Variants in ASNS observed in about 807,000 individuals in gnomAD.
The protein encoded by ASNS is asparagine synthetase (glutamine-hydrolyzing), also known as asparagine synthetase [glutamine-hydrolyzing].
In ASNS, 37 loss-of-function variants were observed where a neutral mutation model predicts 62.6. That is an observed-to-expected ratio of 0.59 (90% CI 0.45 to 0.78). The LOEUF is 0.78. Among genes scored for constraint, ASNS ranks in the 30% least tolerant of loss-of-function variants. The pLI, the probability that ASNS is intolerant of heterozygous loss-of-function variation, is 0.00. For synonymous variants in ASNS, 207 were observed against 237.9 expected (o/e 0.87, Z 1.19); for missense variants, 520 against 682.4 (o/e 0.76, Z 2.65).
chr7:97,924,630 T>G, the ASNS span, among the ~76,000 whole-genome samples: 2 of 152,140 alleles, frequency 1.3e-5, no homozygotes, highest in Non-Finnish European at 2.9e-5. Flanking sequence ...CCCTGCTTCC[T>G]GGAATCCTGG....
chr7:97,910,060 A>G, the ASNS span, among the ~76,000 whole-genome samples: 1 of 152,176 alleles, frequency 6.6e-6, no homozygotes, highest in African/African-American at 2.4e-5. Context: ...ATGACAATAC[A>G]AGACGGAGTC....
the ASNS span, chr7:97,906,544 C>T: frequency 6.0e-6 from 1 of 166,952 alleles, no homozygotes; most frequent in African/African-American, 2.4e-5. Context: ...ATTCTCCATG[C>T]TACACACAGT....
chr7:97,892,474 T>A, the ASNS span, among the ~76,000 whole-genome samples: 2 of 152,156 alleles, frequency 1.3e-5, no homozygotes, highest in East Asian at 3.8e-4. Flanking sequence ...TTCTTTTCTA[T>A]TGCATTGTCA....
chr7:97,858,364 G>T lies in ASNS; in HGVS notation c.817C>A (p.Gln273Lys). 2.5e-6 allele frequency: 4 copies of T among 1,614,144 alleles called. No individual in the cohort carries two copies. Among genetic ancestry groups the T allele is most frequent in the South Asian group, 1.1e-5 (1 of 91,078 alleles). The change falls in exon 7 of 13, where the codon CAG (glutamine) becomes AAG (lysine). Residue 273 changes from glutamine (Q) to lysine (K), a missense_variant. Physicochemically the swap from Gln to Lys is moderately conservative, Grantham distance 53. Transcript: ENST00000394308. ...TACTGTACTTGGGCTTCTTTCAGCT[G>T]CTTCAACAGAGTGGCAGCAACCAAG... ...SSLVAATLLK[Q>K]LKEAQVQYPL...
At chr7:97,866,081 TTAAGA>T (rs1375741163) in intron 3 of ASNS, among the ~76,000 whole-genome samples, 1 of 152,232 alleles carries the variant, frequency 6.6e-6, no homozygotes, top group Non-Finnish European at 1.5e-5. Flanking sequence ...TAAATTTAAG[TTAAGA>T]TAATAGGTTG....
the ASNS span, among the ~76,000 whole-genome samples, chr7:97,884,227 G>A: frequency 3.9e-5 from 6 of 151,990 alleles, no homozygotes; most frequent in African/African-American, 1.4e-4. Flanking sequence ...TTGCCCTGAA[G>A]CCTTCAGCCA....
chr7:97,926,993 G>A, the ASNS span, among the ~76,000 whole-genome samples: 32 of 145,428 alleles, frequency 2.2e-4, no homozygotes, highest in Admixed American at 1.1e-3. Context: ...ACTGCAGCCC[G>A]ACCTTCCAGG....
chr7:97,870,370 G>A, intron 1 of ASNS: 1 of 323,834 alleles, frequency 3.1e-6, no homozygotes. Flanking sequence ...ACTGCGAATT[G>A]CAGCAAATGC....
At chr7:97,906,018 T>A in the ASNS span, among the ~76,000 whole-genome samples, 1 of 152,244 alleles carries the variant, frequency 6.6e-6, no homozygotes. Context: ...CAAAAGTAAC[T>A]GCCGATTTTG....
chr7:97,861,114 C>T (rs1448862039), intron 4 of ASNS, among the ~76,000 whole-genome samples: 2 of 150,160 alleles, frequency 1.3e-5, no homozygotes, highest in Non-Finnish European at 2.9e-5. Flanking sequence ...CTCCGTCTCC[C>T]GGGTTCACGC....
In ASNS at chr7:97,858,326, T is replaced by C. The variant is rs745461318; in HGVS notation, c.855A>G (p.Thr285=). Residue 285 remains threonine (T), a synonymous_variant, in exon 7 of 13, where the codon ACA becomes ACG. Transcript: ENST00000394308. ...GGCTGTCTTCCATGCCAATTGCAAATGTCTGGAGAGGATACTGTACTTGGG... is the reference window on the plus strand; with the variant it reads ...GGCTGTCTTCCATGCCAATTGCAAACGTCTGGAGAGGATACTGTACTTGGG... ...KEAQVQYPLQ[T]FAIGMEDSPD... The C allele has an allele frequency of 6.2e-6, 10 of 1,613,968 alleles. No individual in the cohort carries two copies. Among genetic ancestry groups the C allele is most frequent in the Non-Finnish European group, 8.5e-6 (10 of 1,180,004 alleles).
the ASNS span, among the ~76,000 whole-genome samples, chr7:97,904,021 T>C: frequency 1.2e-3 from 176 of 152,268 alleles, 2 homozygotes; most frequent in Admixed American, 0.011. Flanking sequence ...GTTTAATCAA[T>C]GTCTCTTCAA....
chr7:97,873,497 G>C (rs1209013183), upstream of ASNS, among the ~76,000 whole-genome samples: 2 of 152,206 alleles, frequency 1.3e-5, no homozygotes, highest in African/African-American at 2.4e-5. Flanking sequence ...GCAAAGATGA[G>C]AGATGACTTG....
chr7:97,911,828 T>C, the ASNS span, among the ~76,000 whole-genome samples: 2 of 151,948 alleles, frequency 1.3e-5, no homozygotes, highest in African/African-American at 2.4e-5. Context: ...AGTCGACCCA[T>C]GCGCCTTGCT....
chr7:97,908,196 T>G, the ASNS span: 4 of 152,158 alleles, frequency 2.6e-5, no homozygotes, highest in African/African-American at 9.7e-5. Context: ...GAAACGTGAT[T>G]TTAAATATAT....
chr7:97,878,356 G>C, the ASNS span, among the ~76,000 whole-genome samples: 1 of 152,212 alleles, frequency 6.6e-6, no homozygotes, highest in Non-Finnish European at 1.5e-5. Context: ...GTGATCATGA[G>C]AGAGTCGTGA....
the ASNS span, among the ~76,000 whole-genome samples, chr7:97,880,238 C>A: frequency 1.3e-5 from 2 of 151,990 alleles, no homozygotes; most frequent in African/African-American, 4.8e-5. Flanking sequence ...GATTCTCCAG[C>A]CTCAGCCTCC....
the ASNS span, among the ~76,000 whole-genome samples, chr7:97,889,934 A>AAAAAAAAAAAAAAAAAAC: frequency 6.8e-6 from 1 of 147,490 alleles, no homozygotes. Context: ...ATACAAAAAA[A>AAAAAAAAAAAAAAAAAAC]AAAAAAAAAA....
At chr7:97,876,492 A>G (rs1792441308), upstream of ASNS, among the ~76,000 whole-genome samples, 1 of 150,034 alleles carries the variant, frequency 6.7e-6, no homozygotes, top group African/African-American at 2.5e-5. Flanking sequence ...CAGTGGTGCA[A>G]TCTCGGCTCA....
Sources: allele counts gnomAD v4.1 joint callset (sites outside exome capture counted in the v4.1 genomes callset), GRCh38; gene constraint gnomAD v4.1.1; transcripts MANE v1.5; gene names NCBI Gene and HGNC (gene_info 2026-07-23, HGNC 2026-07-21).